IQUB: variants seen among roughly 807,000 people sequenced by gnomAD.
IQUB encodes the protein IQ motif and ubiquitin-like domain-containing protein.
Under a neutral mutation model 86.4 loss-of-function variants are expected in IQUB, and 86 were observed. The ratio of observed to expected loss-of-function variants is 1.00; its 90% CI spans 0.84 to 1.19. The LOEUF (loss-of-function observed/expected upper bound fraction) is 1.19, where lower values mean the gene tolerates loss of function less well. IQUB is among the 50% of genes most tolerant of loss of function. IQUB has a pLI of 0.00. For synonymous variants in IQUB, 289 were observed against 304.5 expected (o/e 0.95, Z 0.53); for missense variants, 946 against 916.9 (o/e 1.03, Z -0.41).
At position 123,457,522 on chromosome 7, in the gene IQUB, C is replaced by G; in HGVS notation, c.2052G>C (p.Gln684His). Residue 684 changes from glutamine to histidine, a missense_variant, in exon 12 of 13, where the codon CAG (glutamine) becomes CAC (histidine). By Grantham distance (24) the Gln-to-His change is conservative. Transcript: ENST00000324698. Reference sequence around the variant, plus strand: ...GATTGTCGCAAGCACTGAGGACTGACTGGGACGCCCAGATGTTCTCTGTCA... The same window carrying G: ...GATTGTCGCAAGCACTGAGGACTGAGTGGGACGCCCAGATGTTCTCTGTCA... ...QYLTENIWAS[Q>H]SVLSACDNLS... 6.2e-7 allele frequency: 1 copy of G among 1,609,402 alleles called. No homozygotes were observed. The highest frequency in any genetic ancestry group is 8.5e-7 in the Non-Finnish European group (1 of 1,178,390).
At position 123,503,106 on chromosome 7, in the gene IQUB, T is replaced by C. The variant is rs369222634; in HGVS notation, c.705A>G (p.Gln235=). Reference sequence around the variant, plus strand: ...CAATCTCAACAGGTACCTGCTGGTATTGATCAAGTCCTGAGAGATAACACC... The same window carrying C: ...CAATCTCAACAGGTACCTGCTGGTACTGATCAAGTCCTGAGAGATAACACC... ...ITVTVQTGLD[Q]YQQVPVEIVK... The change falls in exon 5 of 13, where the codon CAA becomes CAG. Residue 235 remains glutamine, a synonymous_variant. Coordinates refer to ENST00000324698, the MANE Select transcript of IQUB (RefSeq NM_178827.5). 2.7e-5 allele frequency: 44 copies of C among 1,612,612 alleles called. No homozygotes were observed. The highest frequency in any genetic ancestry group is 6.7e-5 in the East Asian group (3 of 44,798).
intron 7 of IQUB, among the ~76,000 whole-genome samples, chr7:123,488,062 A>C (rs892831252): frequency 2.0e-5 from 3 of 152,178 alleles, no homozygotes; most frequent in Non-Finnish European, 4.4e-5. Flanking sequence ...TTCTAAAAGA[A>C]AAGCTGAGCT....
intron 7 of IQUB, among the ~76,000 whole-genome samples, chr7:123,481,749 A>G (rs866477461): frequency 2.6e-5 from 4 of 152,114 alleles, no homozygotes; most frequent in South Asian, 2.1e-4. Flanking sequence ...AAGTCTTTGA[A>G]AAACTTTCAG....
chr7:123,488,712 T>C (rs989942470), intron 7 of IQUB, among the ~76,000 whole-genome samples: 3 of 152,132 alleles, frequency 2.0e-5, no homozygotes, highest in East Asian at 3.8e-4. Context: ...TTGGGGAAAA[T>C]TGCCTTACCC....
chr7:123,480,661 T>A (rs758092225), intron 7 of IQUB, among the ~76,000 whole-genome samples: 2 of 152,110 alleles, frequency 1.3e-5, no homozygotes, highest in Non-Finnish European at 2.9e-5. Flanking sequence ...TCCAATTACA[T>A]CCTGGTGTCT....
chr7:123,522,789 G>A (rs1317724612), intron 1 of IQUB, among the ~76,000 whole-genome samples: 1 of 151,788 alleles, frequency 6.6e-6, no homozygotes, highest in South Asian at 2.1e-4. Context: ...TGACATGCTG[G>A]TGTGCTGCAC....
intron 9 of IQUB, among the ~76,000 whole-genome samples, chr7:123,466,378 C>T (rs1415008898): frequency 6.6e-6 from 1 of 152,030 alleles, no homozygotes; most frequent in East Asian, 1.9e-4. Context: ...ATATTGTATT[C>T]CCTATGCACT....
intron 1 of IQUB, among the ~76,000 whole-genome samples, chr7:123,528,034 C>A (rs1489021762): frequency 2.0e-5 from 3 of 152,222 alleles, no homozygotes; most frequent in Non-Finnish European, 4.4e-5. Flanking sequence ...GTTTTTTAAG[C>A]CTGTCGGAAA....
chr7:123,525,583 C>T (rs1408539415), intron 1 of IQUB, among the ~76,000 whole-genome samples: 2 of 151,918 alleles, frequency 1.3e-5, no homozygotes, highest in Non-Finnish European at 2.9e-5. Context: ...CTATTTGATT[C>T]TTCTCTCTTT....
At chr7:123,462,802 A>G (rs1366993517) in intron 10 of IQUB, 23 of 455,150 alleles carry the variant, frequency 5.1e-5, no homozygotes, top group Admixed American at 4.9e-4. Flanking sequence ...AGCATTTACT[A>G]TAATGCCATG....
At chr7:123,506,550 G>A (rs768119778) in intron 3 of IQUB, among the ~76,000 whole-genome samples, 4 of 152,106 alleles carry the variant, frequency 2.6e-5, no homozygotes, top group Non-Finnish European at 4.4e-5. Flanking sequence ...CATGGCTGAA[G>A]CAGGGGGAAG....
chr7:123,530,240 A>G (rs537251866), intron 1 of IQUB, among the ~76,000 whole-genome samples: 2 of 152,068 alleles, frequency 1.3e-5, no homozygotes, highest in African/African-American at 4.8e-5. Context: ...GATCGAGACC[A>G]TCCCGGCCAA....
At chr7:123,471,488 C>T (rs1020476951) in intron 8 of IQUB, among the ~76,000 whole-genome samples, 1 of 152,092 alleles carries the variant, frequency 6.6e-6, no homozygotes, top group African/African-American at 2.4e-5. Flanking sequence ...GCTTTTCTTC[C>T]AGTAATTTGG....
At chr7:123,470,922 C>T (rs1194302337) in intron 8 of IQUB, among the ~76,000 whole-genome samples, 12 of 151,700 alleles carry the variant, frequency 7.9e-5, no homozygotes, top group Non-Finnish European at 1.8e-4. Context: ...CATCAATTTA[C>T]AACTAATTTT....
intron 1 of IQUB, among the ~76,000 whole-genome samples, chr7:123,528,767 T>C (rs1346996783): frequency 6.6e-6 from 1 of 152,246 alleles, no homozygotes; most frequent in Non-Finnish European, 1.5e-5. Flanking sequence ...ATGTCTTTTA[T>C]TCTTAAGTGA....
chr7:123,497,192 T>A (rs909461717), intron 6 of IQUB, among the ~76,000 whole-genome samples: 3 of 152,188 alleles, frequency 2.0e-5, no homozygotes, highest in Admixed American at 2.0e-4. Context: ...TTCCTTCTGC[T>A]ACTCACTAGT....
At chr7:123,519,658 A>AG (rs1796814221) in intron 1 of IQUB, among the ~76,000 whole-genome samples, 1 of 152,280 alleles carries the variant, frequency 6.6e-6, no homozygotes, top group East Asian at 1.9e-4. Flanking sequence ...GGCAGGAGGG[A>AG]GGAAGGATGA....
intron 2 of IQUB, 130 bp from the exon 3 acceptor site, chr7:123,510,165 GTT>G (rs1796355050): frequency 1.6e-6 from 1 of 608,500 alleles, no homozygotes; most frequent in Non-Finnish European, 2.8e-6. Flanking sequence ...TCTTGCTAGT[GTT>G]TCCCTGCTGT....
At chr7:123,529,292 TTC>T (rs147484212) in intron 1 of IQUB, among the ~76,000 whole-genome samples, 1,646 of 152,126 alleles carry the variant, frequency 0.011, 22 homozygotes, top group African/African-American at 0.037. Context: ...TAAACTATAT[TTC>T]TGTTTATTTT....
Sources: gnomAD v4.1 joint callset for allele counts (sites outside exome capture counted in the v4.1 genomes callset) on GRCh38, gnomAD v4.1.1 for gene constraint, MANE v1.5 for transcripts, NCBI Gene and HGNC (gene_info 2026-07-23, HGNC 2026-07-21) for gene names.